RORA: variants seen among roughly 807,000 people sequenced by gnomAD.
RORA encodes the protein nuclear receptor ROR-alpha.
In RORA, 7 loss-of-function variants were observed where a neutral mutation model predicts 69.5. That is an observed-to-expected ratio of 0.10 (90% confidence interval 0.06 to 0.19). RORA has a LOEUF of 0.19. Ranked by LOEUF, RORA falls within the 10% of genes least tolerant of loss-of-function variation. RORA has a pLI of 1.00. For missense variants in RORA, 457 were observed against 663.0 expected, an observed-to-expected ratio of 0.69 and a Z score of 3.41; for synonymous variants, 261 against 240.8, an observed-to-expected ratio of 1.08 and a Z score of -0.78.
chr15:60,529,014 T>C (rs1378977260), intron 3 of RORA: 2 of 152,204 alleles, frequency 1.3e-5, no homozygotes, highest in Non-Finnish European at 2.9e-5. Flanking sequence ...CAGAAAGAGC[T>C]ACTAAAGCTT....
chr15:60,942,421 C>T (rs1892729326), intron 1 of RORA, among the ~76,000 whole-genome samples: 1 of 152,194 alleles, frequency 6.6e-6, no homozygotes, highest in Non-Finnish European at 1.5e-5. Flanking sequence ...TTCCGTTTTA[C>T]GTTTCTATTC....
chr15:60,501,109 ATT>A, intron 8 of RORA, 40 bp from the exon 9 acceptor site: 1 of 1,285,620 alleles, frequency 7.8e-7, no homozygotes, highest in African/African-American at 1.5e-5. Context: ...AATTTTGATT[ATT>A]GTCTTAGGAG....
chr15:60,494,998 CT>C lies in RORA; in HGVS notation c.*2456del, dbSNP rs2065131645. 1 of 152,160 alleles carries C rather than the reference CT, an allele frequency of 6.6e-6. No homozygotes were observed. Among genetic ancestry groups the C allele is most frequent in the Admixed American group, 6.5e-5 (1 of 15,268 alleles). 9.4% of individuals were successfully genotyped at this position (152,160 alleles called of 1,614,324 possible). On this transcript the variant is annotated 3_prime_UTR_variant, in exon 11 of 11. Transcript: ENST00000335670. ...CTCTTTAATGCGCTAGCACCTGAGG[CT>C]GGTCATATTCAGAAAGCTTTGGTTA...
intron 1 of RORA, among the ~76,000 whole-genome samples, chr15:60,903,558 G>A (rs887249826): frequency 2.0e-5 from 3 of 152,160 alleles, no homozygotes. Flanking sequence ...AATGTTCAAG[G>A]CTCTGCTTTA....
chr15:60,941,830 A>G (rs1892705778), intron 1 of RORA, among the ~76,000 whole-genome samples: 1 of 152,212 alleles, frequency 6.6e-6, no homozygotes, highest in Non-Finnish European at 1.5e-5. Context: ...AGGGTTTTAA[A>G]TGTTTGCCCT....
At chr15:60,713,611 G>C (rs549057369) in intron 1 of RORA, among the ~76,000 whole-genome samples, 34 of 152,204 alleles carry the variant, frequency 2.2e-4, no homozygotes, top group African/African-American at 7.2e-4. Flanking sequence ...TCAGCCCTTA[G>C]GAATATTCCC....
intron 1 of RORA, among the ~76,000 whole-genome samples, chr15:61,210,262 T>A (rs2079978971): frequency 6.6e-6 from 1 of 152,192 alleles, no homozygotes; most frequent in Admixed American, 6.5e-5. Flanking sequence ...CCCACAGGGA[T>A]CAGAACTTTT....
chr15:61,172,406 C>A (rs905862304), intron 1 of RORA, among the ~76,000 whole-genome samples: 4 of 152,022 alleles, frequency 2.6e-5, no homozygotes, highest in African/African-American at 9.7e-5. Context: ...AAGGATGAGG[C>A]CATCTAAAAT....
intron 1 of RORA, among the ~76,000 whole-genome samples, chr15:61,010,533 T>A (rs138858315): frequency 1.6e-4 from 25 of 152,312 alleles, no homozygotes; most frequent in Non-Finnish European, 2.9e-4. Context: ...ATTGTATGAA[T>A]GCACAGGCAT....
At chr15:60,628,840 A>G (rs1403695446) in intron 2 of RORA, among the ~76,000 whole-genome samples, 3 of 152,216 alleles carry the variant, frequency 2.0e-5, no homozygotes, top group Non-Finnish European at 2.9e-5. Flanking sequence ...AGAATGACCT[A>G]TTGCAGCTCA....
intron 1 of RORA, among the ~76,000 whole-genome samples, chr15:60,860,607 T>C (rs1472935613): frequency 6.6e-6 from 1 of 152,148 alleles, no homozygotes; most frequent in Admixed American, 6.5e-5. Context: ...GATATAGAGA[T>C]ATTGTTGAAA....
intron 1 of RORA, among the ~76,000 whole-genome samples, chr15:60,844,744 A>G (rs1227686855): frequency 1.3e-5 from 2 of 152,244 alleles, no homozygotes; most frequent in Non-Finnish European, 2.9e-5. Flanking sequence ...ATGAAAAAGT[A>G]AGACTAAGAC....
intron 1 of RORA, among the ~76,000 whole-genome samples, chr15:61,008,282 T>C (rs1894986507): frequency 6.6e-6 from 1 of 151,576 alleles, no homozygotes; most frequent in South Asian, 2.1e-4. Flanking sequence ...CACTGTCTAA[T>C]GCATCTCATG....
intron 3 of RORA, chr15:60,529,207 A>G (rs1221370227): frequency 6.6e-6 from 1 of 152,220 alleles, no homozygotes; most frequent in African/African-American, 2.4e-5. Flanking sequence ...CTCTCATTAG[A>G]TATCTATTTG....
intron 1 of RORA, among the ~76,000 whole-genome samples, chr15:61,097,626 T>TA (rs2078810517): frequency 6.6e-6 from 1 of 152,142 alleles, no homozygotes; most frequent in Admixed American, 6.5e-5. Flanking sequence ...GTGGATAAAA[T>TA]AAAGTTCTCA....
chr15:60,552,044 C>A (rs2067240213), intron 2 of RORA, among the ~76,000 whole-genome samples: 1 of 152,162 alleles, frequency 6.6e-6, no homozygotes, highest in Non-Finnish European at 1.5e-5. Context: ...AACACAGGAT[C>A]CTTCGTGGTT....
intron 1 of RORA, among the ~76,000 whole-genome samples, chr15:60,946,502 G>A (rs967798371): frequency 3.9e-5 from 6 of 152,226 alleles, no homozygotes; most frequent in East Asian, 3.9e-4. Flanking sequence ...GCTCCTAACC[G>A]GGAGTGATCT....
rs1048610210 is a variant in RORA, at chr15:60,795,131, A to C, written c.167-116445T>G. Among the ~76,000 whole-genome samples, 4 of 152,132 alleles carry C rather than the reference A, an allele frequency of 2.6e-5. No individual in the cohort carries two copies. The South Asian group carries it at 6.2e-4, about 24-fold the overall frequency. ...GGTATCCAAAATCCCCACACACTAG[A>C]TGTATGCCACCTCAGGAACCGGGAA... On this transcript the variant is annotated intron_variant, in intron 1 of 10. Coordinates refer to ENST00000335670, the MANE Select transcript of RORA (RefSeq NM_134261.3).
intron 1 of RORA, among the ~76,000 whole-genome samples, chr15:60,812,408 G>A (rs1276917098): frequency 1.3e-5 from 2 of 152,156 alleles, no homozygotes; most frequent in African/African-American, 4.8e-5. Flanking sequence ...TACTGAGGAG[G>A]CTGAGGTGGA....
Sources: gnomAD v4.1 joint callset for allele counts (sites outside exome capture counted in the v4.1 genomes callset) on GRCh38, gnomAD v4.1.1 for gene constraint, MANE v1.5 for transcripts, NCBI Gene and HGNC (gene_info 2026-07-23, HGNC 2026-07-21) for gene names.